RNF19A: variants seen among roughly 807,000 people sequenced by gnomAD.
RNF19A encodes the protein E3 ubiquitin-protein ligase RNF19A.
In RNF19A, 32 loss-of-function variants were observed where a neutral mutation model predicts 75.7. The ratio of observed to expected loss-of-function variants is 0.42; its 90% confidence interval spans 0.32 to 0.57. The LOEUF is 0.57. Ranked by LOEUF, RNF19A falls within the 20% of genes least tolerant of loss-of-function variation. The pLI is 0.10. For synonymous variants in RNF19A, 335 were observed against 345.2 expected, an observed-to-expected ratio of 0.97 and a Z score of 0.33; for missense variants, 782 against 1,036.3, an observed-to-expected ratio of 0.75 and a Z score of 3.37.
At chr8:100,315,078 G>A (rs940155919) in intron 1 of RNF19A, among the ~76,000 whole-genome samples, 11 of 152,156 alleles carry the variant, frequency 7.2e-5, no homozygotes, top group Non-Finnish European at 1.2e-4. Context: ...GGGAGGCTGA[G>A]GCAAGCAGAT....
Position 100,287,949 on chromosome 8 carries a change from C to CT in RNF19A, c.225dup (p.Asp76ArgfsTer2). Reference sequence around the variant, plus strand: ...AGCTCCCTTGATTTACGTTTGTTATCTTTTTTCCTCCGAAACAGGGAGCCT... The same window carrying CT: ...AGCTCCCTTGATTTACGTTTGTTATCTTTTTTTCCTCCGAAACAGGGAGCCT... On this transcript the variant is annotated frameshift_variant, in exon 2 of 10. Transcript: ENST00000341084. LOFTEE classifies it high-confidence loss of function. This position sits in a 1 kb window ranked among gnomAD's most constrained non-coding sequence, Gnocchi z 4.1. 6.2e-7 allele frequency: 1 copy of CT among 1,614,114 alleles called. No individual in the cohort carries two copies. The highest frequency in any genetic ancestry group is 8.5e-7 in the Non-Finnish European group (1 of 1,180,004).
At position 100,322,169 on chromosome 8, in the gene RNF19A, A is replaced by G. The variant is rs552303358; in HGVS notation, c.-242-8797T>C. On this transcript the variant is annotated intron_variant, in intron 1 of 3. Transcript: ENST00000519527. The surrounding 1 kb of genome is among the most constrained non-coding windows in gnomAD (Gnocchi z 5.1). ...AGCCAAGCATTGACTTCTCCTCTCTATGAAGTCCAAATGGCATCTTCTTCC... is the reference window on the plus strand; with the variant it reads ...AGCCAAGCATTGACTTCTCCTCTCTGTGAAGTCCAAATGGCATCTTCTTCC... Among the ~76,000 whole-genome samples, 2 of 152,284 alleles carry G rather than the reference A, an allele frequency of 1.3e-5. No individual in the cohort carries two copies. The highest frequency in any genetic ancestry group is 4.1e-4 in the South Asian group (2 of 4,822).
intron 1 of RNF19A, among the ~76,000 whole-genome samples, chr8:100,295,625 AT>A (rs1473884186): frequency 1.3e-5 from 2 of 152,228 alleles, no homozygotes; most frequent in African/African-American, 4.8e-5. Context: ...TGCAAACACC[AT>A]CTCATCAAAT....
At position 100,287,049 on chromosome 8, in the gene RNF19A, T is replaced by A. The variant is rs1344114399; in HGVS notation, c.674+452A>T. 6.6e-6 allele frequency among the ~76,000 whole-genome samples: 1 copy of A among 152,118 alleles called. No individual in the cohort carries two copies. Among genetic ancestry groups the A allele is most frequent in the Non-Finnish European group, 1.5e-5 (1 of 68,010 alleles). ...GAACACATCATACTGTGGCACATGCTAAGGTAGGTACCTTTCAAAAGGGCC... is the reference window on the plus strand; with the variant it reads ...GAACACATCATACTGTGGCACATGCAAAGGTAGGTACCTTTCAAAAGGGCC... On this transcript the variant is annotated intron_variant, in intron 2 of 9. Coordinates refer to ENST00000341084, the MANE Select transcript of RNF19A (RefSeq NM_183419.4). The surrounding 1 kb of genome is among the most constrained non-coding windows in gnomAD (Gnocchi z 4.1).
rs1470315870 is a variant in RNF19A at position 100,324,810 on chromosome 8, T to G, written c.-243+11298A>C. Among the ~76,000 whole-genome samples the G allele has an allele frequency of 2.8e-5, 4 of 141,486 alleles. No individual in the cohort carries two copies. In the South Asian group the frequency reaches 6.4e-4, roughly 23 times the overall value. The allele number at this position is 141,486 out of a possible 152,430, so 92.8% of individuals were successfully genotyped here. ...CTTTTTTCTTTCTTTCTCTTTCTTC[T>G]TCCTTCCTTCCTTCCTTCCTCCTTC... On this transcript the variant is annotated intron_variant, in intron 1 of 3. Coordinates refer to the RNF19A transcript ENST00000519527. This position sits in a 1 kb window ranked among gnomAD's most constrained non-coding sequence, Gnocchi z 4.2.
Position 100,261,689 on chromosome 8 carries a change from G to A in RNF19A, c.1535C>T (p.Thr512Ile). Residue 512 changes from threonine (T) to isoleucine (I), a missense_variant, in exon 8 of 10, where the codon ACT (threonine) becomes ATT (isoleucine). Around this residue, in one of 7 missense-constraint regions of RNF19A, gnomAD observed 442 missense variants for 541.6 expected, o/e 0.82. Transcript: ENST00000341084. This position sits in a 1 kb window ranked among gnomAD's most constrained non-coding sequence, Gnocchi z 4.4. Reference sequence around the variant, plus strand: ...GCTTCCACTTGCACTCAAACTGCCAGTCAGCCCACCAACACTTCCCTCCCC... The same window carrying A: ...GCTTCCACTTGCACTCAAACTGCCAATCAGCCCACCAACACTTCCCTCCCC... ...SIGEGSVGGL[T>I]GSLSASGSHM... The A allele has an allele frequency of 1.2e-6, 2 of 1,614,106 alleles. No individual in the cohort carries two copies. Among genetic ancestry groups the A allele is most frequent in the Non-Finnish European group, 1.7e-6 (2 of 1,180,010 alleles).
intron 1 of RNF19A, chr8:100,309,230 G>A (rs1376334981): frequency 2.4e-5 from 19 of 784,954 alleles, no homozygotes; most frequent in Non-Finnish European, 2.9e-5. Flanking sequence ...TTCACCCCAA[G>A]GCTACACCAT....
chr8:100,285,919 A>G (rs1820996013), intron 2 of RNF19A, among the ~76,000 whole-genome samples: 1 of 152,218 alleles, frequency 6.6e-6, no homozygotes. Flanking sequence ...CATAACATAG[A>G]CATATTCCTC....
Position 100,330,704 on chromosome 8 carries a change from A to T in RNF19A, c.-243+5404T>A, listed in dbSNP as rs977495189. ...CCCAAGGCAATAAATTACCTGTTTT[A>T]TTTAGCTCTCCATCTCTTGAAGCCA... On this transcript the variant is annotated intron_variant, in intron 1 of 3. Transcript: ENST00000519527. This position sits in a 1 kb window ranked among gnomAD's most constrained non-coding sequence, Gnocchi z 4.1. Among the ~76,000 whole-genome samples, 1 of 152,220 alleles carries T rather than the reference A, an allele frequency of 6.6e-6. No homozygotes were observed. The highest frequency in any genetic ancestry group is 1.5e-5 in the Non-Finnish European group (1 of 68,042).
At chr8:100,268,683 TAAAAAAA>T (rs34297750) in intron 5 of RNF19A, 95 bp downstream of exon 5, 23 of 355,524 alleles carry the variant, frequency 6.5e-5, no homozygotes, top group East Asian at 8.6e-5. Flanking sequence ...ACCCTTTGTC[TAAAAAAA>T]AAAAAAAAAA....
At chr8:100,282,606 C>T (rs1372818946) in intron 2 of RNF19A, among the ~76,000 whole-genome samples, 1 of 152,094 alleles carries the variant, frequency 6.6e-6, no homozygotes, top group East Asian at 1.9e-4. Context: ...CATTATGGCT[C>T]TTTATACCCT....
intron 1 of RNF19A, among the ~76,000 whole-genome samples, chr8:100,303,809 G>A (rs1416685500): frequency 2.0e-5 from 3 of 151,198 alleles, no homozygotes; most frequent in African/African-American, 4.9e-5. Context: ...GTGGTGGCAG[G>A]TGCCTGTAAT....
Position 100,275,138 on chromosome 8 carries a change from C to T in RNF19A, c.698G>A (p.Cys233Tyr), listed in dbSNP as rs1820442786. The T allele has an allele frequency of 6.2e-7, 1 of 1,614,036 alleles. No homozygotes were observed. The highest frequency in any genetic ancestry group is 8.5e-7 in the Non-Finnish European group (1 of 1,179,932). The stretch of plus-strand genomic sequence containing the variant: ...ACAAGTTAATTTTGGACAGCTGGCA[C>T]ATCCAAATGCTATCACAGCATATCT... Reference protein sequence around the residue: ...DCGYAVIAFGCASCPKLTCGR... With the variant: ...DCGYAVIAFGYASCPKLTCGR... Residue 233 changes from cysteine (C) to tyrosine (Y), a missense_variant, in exon 3 of 10, where the codon TGT (cysteine) becomes TAT (tyrosine). By Grantham distance (194) the Cys-to-Tyr change is radical. Coordinates refer to ENST00000341084, the MANE Select transcript of RNF19A (RefSeq NM_183419.4). This position sits in a 1 kb window ranked among gnomAD's most constrained non-coding sequence, Gnocchi z 4.3.
intron 7 of RNF19A, among the ~76,000 whole-genome samples, chr8:100,263,397 G>A (rs1463977748): frequency 6.6e-6 from 1 of 152,166 alleles, no homozygotes; most frequent in Admixed American, 6.5e-5. Context: ...TGGTGACTCT[G>A]CTTCAGTGAA....
chr8:100,291,360 T>A (rs541973886), intron 1 of RNF19A, among the ~76,000 whole-genome samples: 1 of 152,248 alleles, frequency 6.6e-6, no homozygotes, highest in Non-Finnish European at 1.5e-5. Flanking sequence ...GAATGAATGA[T>A]GCTTTTCAGT....
In RNF19A at chr8:100,317,558, C is replaced by T. The variant is rs1473189222; in HGVS notation, c.-242-4186G>A. On this transcript the variant is annotated intron_variant, in intron 1 of 3. Transcript: ENST00000519527. This position sits in a 1 kb window ranked among gnomAD's most constrained non-coding sequence, Gnocchi z 4.3. ...AAGGTCTTCTTGATGGATTCTCAGGCGACTGTTCCCATTTGCCTACTCCAG... is the reference window on the plus strand; with the variant it reads ...AAGGTCTTCTTGATGGATTCTCAGGTGACTGTTCCCATTTGCCTACTCCAG... Among the ~76,000 whole-genome samples, 1 of 152,162 alleles carries T rather than the reference C, an allele frequency of 6.6e-6. No individual in the cohort carries two copies. Among genetic ancestry groups the T allele is most frequent in the Non-Finnish European group, 1.5e-5 (1 of 68,010 alleles).
In RNF19A at chr8:100,333,243, T is replaced by C. The variant is rs546578428; in HGVS notation, c.-243+2865A>G. ...GTAGCAAGATGGCCCTCATCAGATG[T>C]GCCCACTCAACCTTGGACTTCCCAG... On this transcript the variant is annotated intron_variant, in intron 1 of 3. Coordinates refer to the RNF19A transcript ENST00000519527. The surrounding 1 kb of genome is among the most constrained non-coding windows in gnomAD (Gnocchi z 4.7). Among the ~76,000 whole-genome samples the C allele has an allele frequency of 6.6e-6, 1 of 152,358 alleles. No individual in the cohort carries two copies. Among genetic ancestry groups the C allele is most frequent in the East Asian group, 1.9e-4 (1 of 5,192 alleles).
rs1819646036 is a variant in RNF19A, at chr8:100,260,145, T to C, written c.1683-148A>G. 1 of 688,100 alleles carries C rather than the reference T, an allele frequency of 1.5e-6. No homozygotes were observed. Among genetic ancestry groups the C allele is most frequent in the African/African-American group, 1.8e-5 (1 of 55,262 alleles). 42.6% of individuals were successfully genotyped at this position (688,100 alleles called of 1,614,324 possible). A position where few individuals can be genotyped will look rare whatever the true frequency, so the allele number is the denominator to read the frequency against. On this transcript the variant is annotated intron_variant, in intron 8 of 9. Coordinates refer to ENST00000341084, the MANE Select transcript of RNF19A (RefSeq NM_183419.4). The surrounding 1 kb of genome is among the most constrained non-coding windows in gnomAD (Gnocchi z 4.1). The stretch of plus-strand genomic sequence containing the variant: ...TTATTTCCTTTTATTTAATTTAAAT[T>C]CTACTGCAGCACACTGCATAGTACC...
intron 1 of RNF19A, among the ~76,000 whole-genome samples, chr8:100,294,371 T>C (rs1192616017): frequency 6.6e-6 from 1 of 152,190 alleles, no homozygotes; most frequent in East Asian, 1.9e-4. Context: ...CACCAAATTC[T>C]GTCACCCCTG....
Sources: allele counts gnomAD v4.1 joint callset (sites outside exome capture counted in the v4.1 genomes callset), GRCh38; gene constraint gnomAD v4.1.1; regional missense constraint gnomAD v4.1.1; non-coding constraint Gnocchi (gnomAD v3.1); transcripts MANE v1.5; gene names NCBI Gene and HGNC (gene_info 2026-07-23, HGNC 2026-07-21).